The following CLEC16A variants were observed in gnomAD, a reference collection of about 807,000 sequenced individuals.
CLEC16A encodes protein CLEC16A.
CLEC16A carries 51 observed loss-of-function variants against 109.5 expected under a neutral mutation model. That is an observed-to-expected ratio of 0.47 (90% confidence interval 0.37 to 0.59). The LOEUF (loss-of-function observed/expected upper bound fraction) is 0.59, where lower values mean the gene tolerates loss of function less well. CLEC16A is among the 20% of genes least tolerant of loss of function. The probability of loss-of-function intolerance (pLI) is 0.00; values close to 1 mark genes in which losing one functional copy is unlikely to be tolerated. For missense variants in CLEC16A, 1,339 were observed against 1,394.0 expected, an observed-to-expected ratio of 0.96 and a Z score of 0.63; for synonymous variants, 673 against 564.2, an observed-to-expected ratio of 1.19 and a Z score of -2.73.
chr16:11,027,712 C>G, intron 13 of CLEC16A: 1 of 1,579,248 alleles, frequency 6.3e-7, no homozygotes, highest in Non-Finnish European at 8.6e-7. Context: ...GAGATGGGCA[C>G]ACTTGGCTAT....
chr16:10,946,666 C>G (rs922260337), intron 1 of CLEC16A, among the ~76,000 whole-genome samples: 2 of 152,132 alleles, frequency 1.3e-5, no homozygotes, highest in African/African-American at 4.8e-5. Context: ...CAGGTTCTCA[C>G]CTAACTCTGC....
intron 19 of CLEC16A, among the ~76,000 whole-genome samples, chr16:11,065,816 A>G (rs1487434536): frequency 1.3e-5 from 2 of 152,176 alleles, no homozygotes; most frequent in African/African-American, 4.8e-5. Flanking sequence ...GGTGGGAGAG[A>G]GGGTGCTGTG....
chr16:11,060,775 G>A, intron 18 of CLEC16A, 127 bp from the exon 19 acceptor site: 1 of 972,038 alleles, frequency 1.0e-6, no homozygotes, highest in Non-Finnish European at 1.4e-6. Context: ...AACACCCGAA[G>A]AGGTGGGCTT....
Position 10,972,554 on chromosome 16 carries a change from T to A in CLEC16A, c.599T>A (p.Val200Glu). The change falls in exon 6 of 24, where the codon GTG becomes GAG. Residue 200 changes from valine to glutamate, a missense_variant and splice_region_variant. Transcript: ENST00000409790. ...VRTITLNVYK[V>E]SLDNQAMLHY... ...ACGATTCCTGTGTTCCTTATTCCAG[T>A]GTCATGTAAGTTATTAACCTCTGGT... is the stretch of plus-strand genomic sequence containing the variant. The A allele has an allele frequency of 6.2e-7, 1 of 1,612,584 alleles. No individual in the cohort carries two copies. The highest frequency in any genetic ancestry group is 8.5e-7 in the Non-Finnish European group (1 of 1,178,808).
chr16:11,044,052 C>T lies in CLEC16A; in HGVS notation c.1795C>T (p.Leu599Phe). 1 of 1,609,232 alleles carries T rather than the reference C, an allele frequency of 6.2e-7. No individual in the cohort carries two copies. The highest frequency in any genetic ancestry group is 8.5e-7 in the Non-Finnish European group (1 of 1,177,050). Reference protein sequence around the residue: ...LEGAREESVHLVRHFYKGEDI... With the variant: ...LEGAREESVHFVRHFYKGEDI... ...GGGTGCGAGAGAAGAAAGTGTTCAC[C>T]TTGTACGACATTTTTATAAGGTAAT... Residue 599 changes from leucine (L) to phenylalanine (F), a missense_variant, in exon 16 of 24, where the codon CTT (leucine) becomes TTT (phenylalanine). Transcript: ENST00000409790.
chr16:11,132,937 G>C (rs901530506), intron 22 of CLEC16A, among the ~76,000 whole-genome samples: 11 of 152,162 alleles, frequency 7.2e-5, no homozygotes, highest in African/African-American at 2.7e-4. Context: ...CCTAAGGCCA[G>C]GGTATTTCTG....
At chr16:11,023,493 G>A (rs1220808213) in intron 12 of CLEC16A, among the ~76,000 whole-genome samples, 1 of 152,076 alleles carries the variant, frequency 6.6e-6, no homozygotes, top group Non-Finnish European at 1.5e-5. Context: ...TGCCCCATCT[G>A]GGGCTGTGGA....
At chr16:11,079,813 T>C (rs2049598774) in intron 19 of CLEC16A, among the ~76,000 whole-genome samples, 1 of 152,346 alleles carries the variant, frequency 6.6e-6, no homozygotes, top group Non-Finnish European at 1.5e-5. Flanking sequence ...GCAAAACTGA[T>C]GAACATCTAC....
rs201069702 is a variant in CLEC16A at position 11,178,969 on chromosome 16, G to A, written c.*279G>A. Reference sequence around the variant, plus strand: ...CCACTCAGGGAGCTGCCTGGGCTCCGTGTCTCTGAGCCCCGGGTGGCAGGA... The same window carrying A: ...CCACTCAGGGAGCTGCCTGGGCTCCATGTCTCTGAGCCCCGGGTGGCAGGA... On this transcript the variant is annotated 3_prime_UTR_variant, in exon 24 of 24. Transcript: ENST00000409790. This position sits in a 1 kb window ranked among gnomAD's most constrained non-coding sequence, Gnocchi z 6.5. 2.6e-6 allele frequency: 1 copy of A among 384,804 alleles called. No homozygotes were observed. Among genetic ancestry groups the A allele is most frequent in the Non-Finnish European group, 4.6e-6 (1 of 216,314 alleles). The allele number at this position is 384,804 out of a possible 1,614,324, so 23.8% of individuals were successfully genotyped here.
chr16:11,052,884 T>TTTGTTG (rs148444157), intron 18 of CLEC16A, among the ~76,000 whole-genome samples: 3 of 150,874 alleles, frequency 2.0e-5, no homozygotes, highest in Admixed American at 6.6e-5. Context: ...ACTTTGCCTT[T>TTTGTTG]TTGTTGTTGT....
At chr16:11,165,346 T>C (rs1221812697) in intron 22 of CLEC16A, among the ~76,000 whole-genome samples, 1 of 151,722 alleles carries the variant, frequency 6.6e-6, no homozygotes, top group East Asian at 1.9e-4. Context: ...AAAAAAATTA[T>C]TTGGGTATGG....
chr16:11,045,603 A>T (rs942479281), intron 16 of CLEC16A, among the ~76,000 whole-genome samples: 9 of 152,140 alleles, frequency 5.9e-5, no homozygotes, highest in African/African-American at 2.2e-4. Flanking sequence ...TGTGTCTTTC[A>T]GGGAAGGCTC....
At chr16:11,096,846 G>A (rs1243943542) in intron 19 of CLEC16A, among the ~76,000 whole-genome samples, 1 of 152,136 alleles carries the variant, frequency 6.6e-6, no homozygotes, top group East Asian at 1.9e-4. Flanking sequence ...TGATGTAAAT[G>A]AAATTTTCCT....
chr16:11,069,086 G>T (rs2152922445), intron 19 of CLEC16A, among the ~76,000 whole-genome samples: 1 of 151,790 alleles, frequency 6.6e-6, no homozygotes, highest in East Asian at 1.9e-4. Context: ...GCCTGCCTTG[G>T]TATCCCAAAG....
At chr16:10,975,804 C>G (rs992889503) in intron 7 of CLEC16A, among the ~76,000 whole-genome samples, 1 of 151,902 alleles carries the variant, frequency 6.6e-6, no homozygotes, top group Admixed American at 6.6e-5. Context: ...ATGCCACCAC[C>G]CCTGGCTAAT....
chr16:11,111,038 C>G (rs2051550434), intron 19 of CLEC16A, among the ~76,000 whole-genome samples: 1 of 151,908 alleles, frequency 6.6e-6, no homozygotes, highest in Non-Finnish European at 1.5e-5. Context: ...TCCAAGGTCC[C>G]CAAAACAGCC....
At chr16:11,148,375 A>AC (rs1380085332) in intron 22 of CLEC16A, among the ~76,000 whole-genome samples, 1 of 151,832 alleles carries the variant, frequency 6.6e-6, no homozygotes, top group Non-Finnish European at 1.5e-5. Flanking sequence ...AGAAACCTCC[A>AC]CCTCCTGGTG....
chr16:11,049,374 G>C (rs189895304), intron 17 of CLEC16A, among the ~76,000 whole-genome samples: 49 of 152,166 alleles, frequency 3.2e-4, no homozygotes, highest in Admixed American at 2.8e-3. Context: ...ATATGAAATA[G>C]CCAACAAGAG....
chr16:11,093,538 C>T (rs973195708), intron 19 of CLEC16A, among the ~76,000 whole-genome samples: 2 of 152,184 alleles, frequency 1.3e-5, no homozygotes, highest in Non-Finnish European at 2.9e-5. Context: ...GACTGGTCAC[C>T]TTTCTCTTCA....
Sources: gnomAD v4.1 joint callset for allele counts (sites outside exome capture counted in the v4.1 genomes callset) on GRCh38, gnomAD v4.1.1 for gene constraint, Gnocchi (gnomAD v3.1) non-coding constraint, MANE v1.5 for transcripts, NCBI Gene and HGNC (gene_info 2026-07-23, HGNC 2026-07-21) for gene names.